CAPN9: variants seen among roughly 807,000 people sequenced by gnomAD.
The protein encoded by CAPN9 is calpain 9, also known as calpain-9.
Under a neutral mutation model 92.8 loss-of-function variants are expected in CAPN9, and 81 were observed. The observed-to-expected ratio is 0.87, with a 90% CI of 0.73 to 1.05. The LOEUF is 1.05. Among genes scored for constraint, CAPN9 ranks in the 50% least tolerant of loss-of-function variants. The pLI is 0.00. For synonymous variants in CAPN9, 304 were observed against 328.0 expected (o/e 0.93, Z 0.79); for missense variants, 848 against 866.2 (o/e 0.98, Z 0.26).
At chr1:230,776,366 G>T (rs1019084066) in intron 8 of CAPN9, 2 of 152,138 alleles carry the variant, frequency 1.3e-5, no homozygotes, top group Non-Finnish European at 2.9e-5. Flanking sequence ...TTCAACATAT[G>T]AATTTAGGGG....
rs776733289 is a variant in CAPN9 at position 230,790,184 on chromosome 1, A to G, written c.1652A>G (p.Gln551Arg). The change falls in exon 14 of 20, where the codon CAA (glutamine) becomes CGA (arginine). Residue 551 changes from glutamine to arginine, a missense_variant. Gln to Arg is a conservative substitution (Grantham distance 43, BLOSUM62 1). Transcript: ENST00000271971. ...GAGTATGTTTTAAATGCTGTGCTGC[A>G]AAAGAGTAAGTGCCAACCCCATCGG... ...ELEYVLNAVL[Q>R]KKKDIKFKKL... 1.9e-6 allele frequency: 3 copies of G among 1,614,144 alleles called. No individual in the cohort carries two copies. The East Asian group carries it at 6.7e-5, about 36-fold the overall frequency.
At chr1:230,751,446 G>T (rs891034329) in intron 1 of CAPN9, among the ~76,000 whole-genome samples, 2 of 151,006 alleles carry the variant, frequency 1.3e-5, no homozygotes, top group Non-Finnish European at 2.9e-5. Flanking sequence ...AAGAGAGAAG[G>T]AGAGGAAGAG....
intron 7 of CAPN9, among the ~76,000 whole-genome samples, chr1:230,772,612 C>T (rs533024280): frequency 4.6e-5 from 7 of 152,238 alleles, no homozygotes; most frequent in African/African-American, 7.2e-5. Context: ...CATGGTGGCT[C>T]ATGCCTATAA....
At chr1:230,769,665 CTATCTATCT>C (rs1161924756) in intron 6 of CAPN9, among the ~76,000 whole-genome samples, 207 of 93,084 alleles carry the variant, frequency 2.2e-3, no homozygotes, top group Non-Finnish European at 4.7e-3. Context: ...ATCTATCTAT[CTATCTATCT>C]ATCTATCTAC....
At chr1:230,759,993 A>AAATTTAT in intron 3 of CAPN9, among the ~76,000 whole-genome samples, 1 of 152,364 alleles carries the variant, frequency 6.6e-6, no homozygotes, top group Admixed American at 6.5e-5. Context: ...ATAAACAGAG[A>AAATTTAT]GGTTCTCTTT....
intron 3 of CAPN9, among the ~76,000 whole-genome samples, chr1:230,762,266 C>T (rs1265925066): frequency 6.6e-6 from 1 of 152,184 alleles, no homozygotes; most frequent in Non-Finnish European, 1.5e-5. Flanking sequence ...GAGAACTGGG[C>T]TACAAAACAG....
At chr1:230,757,902 C>T (rs6698750) in intron 2 of CAPN9, among the ~76,000 whole-genome samples, 28,620 of 151,658 alleles carry the variant, frequency 0.19, 2,848 homozygotes, top group African/African-American at 0.24. Context: ...AGAGGCACAG[C>T]GTTCCCCCTG....
intron 5 of CAPN9, among the ~76,000 whole-genome samples, chr1:230,768,029 TAAA>T (rs1666108612): frequency 2.0e-5 from 2 of 98,108 alleles, no homozygotes; most frequent in Non-Finnish European, 5.1e-5. Context: ...AATAAATAAA[TAAA>T]TAAATAAATA....
At chr1:230,756,798 C>T (rs1372550544) in intron 2 of CAPN9, among the ~76,000 whole-genome samples, 1 of 151,966 alleles carries the variant, frequency 6.6e-6, no homozygotes, top group Non-Finnish European at 1.5e-5. Context: ...AAAAATTAGC[C>T]AGGCTTGGTG....
At chr1:230,800,900 C>T (rs181173446) in intron 19 of CAPN9, among the ~76,000 whole-genome samples, 1 of 152,138 alleles carries the variant, frequency 6.6e-6, no homozygotes, top group Non-Finnish European at 1.5e-5. Flanking sequence ...CTGAGTTGGC[C>T]TCACCTGCAA....
chr1:230,748,499 A>G (rs995156576), intron 1 of CAPN9, among the ~76,000 whole-genome samples: 1 of 152,158 alleles, frequency 6.6e-6, no homozygotes, highest in African/African-American at 2.4e-5. Flanking sequence ...CTGGTCCTAC[A>G]AGTGAGATCC....
intron 7 of CAPN9, among the ~76,000 whole-genome samples, chr1:230,773,257 T>C (rs1298959145): frequency 6.6e-6 from 1 of 152,134 alleles, no homozygotes; most frequent in Non-Finnish European, 1.5e-5. Context: ...GGCTGCCGCC[T>C]TCTGAGAACC....
intron 11 of CAPN9, among the ~76,000 whole-genome samples, chr1:230,784,296 G>A (rs1667429574): frequency 6.6e-6 from 1 of 152,224 alleles, no homozygotes; most frequent in South Asian, 2.1e-4. Context: ...GCAACCACTT[G>A]CTAGAGATAT....
chr1:230,773,591 C>T (rs3790977), intron 7 of CAPN9, among the ~76,000 whole-genome samples: 10,189 of 152,260 alleles, frequency 0.067, 407 homozygotes, highest in South Asian at 0.13. Context: ...TCCCTGACTT[C>T]GCTGTGCTGC....
At chr1:230,774,453 G>T in intron 7 of CAPN9, 101 bp from the exon 8 acceptor site, 1 of 807,396 alleles carries the variant, frequency 1.2e-6, no homozygotes, top group Non-Finnish European at 2.2e-6. Context: ...TACTAAGCAG[G>T]TCTTATTTCC....
At chr1:230,792,519 G>A in intron 16 of CAPN9, 25 bp downstream of exon 16, 13 of 1,585,622 alleles carry the variant, frequency 8.2e-6, no homozygotes, top group Non-Finnish European at 1.1e-5. Context: ...GCAGGGCTTG[G>A]CCTCTGGGGG....
rs1469870226 is a variant in CAPN9 at position 230,768,037 on chromosome 1, TAAATAAATAAATAAATAAA to T, written c.705+336_705+354del. Among the ~76,000 whole-genome samples, 16 of 108,274 alleles carry T rather than the reference TAAATAAATAAATAAATAAA, an allele frequency of 1.5e-4. No individual in the cohort carries two copies. The East Asian group carries it at 2.3e-3, about 16-fold the overall frequency. The allele number at this position is 108,274 out of a possible 152,430, so 71.0% of individuals were successfully genotyped here. ...ATAAATAAATAAATAAATAAATAAATAAATAAATAAATAAATAAAAAATAAAATAAAATAAAATAAAAAT... is the reference window on the plus strand; with the variant it reads ...ATAAATAAATAAATAAATAAATAAATAAATAAAATAAAATAAAATAAAAAT... On this transcript the variant is annotated intron_variant, in intron 5 of 19. Coordinates refer to ENST00000271971, the MANE Select transcript of CAPN9 (RefSeq NM_006615.3).
chr1:230,751,507 G>C (rs111328775), intron 1 of CAPN9, among the ~76,000 whole-genome samples: 1 of 145,816 alleles, frequency 6.9e-6, no homozygotes, highest in Non-Finnish European at 1.5e-5. Flanking sequence ...AGGAAGGAAA[G>C]AAGGAAGGAA....
At chr1:230,754,409 A>AAT (rs5781600) in intron 1 of CAPN9, among the ~76,000 whole-genome samples, 97,524 of 150,816 alleles carry the variant, frequency 0.65, 31,735 homozygotes, top group Non-Finnish European at 0.69. Flanking sequence ...AATATAGAAT[A>AAT]ATATATATAT....
Sources: allele counts gnomAD v4.1 joint callset (sites outside exome capture counted in the v4.1 genomes callset), GRCh38; gene constraint gnomAD v4.1.1; transcripts MANE v1.5; gene names NCBI Gene and HGNC (gene_info 2026-07-23, HGNC 2026-07-21).